The following RAB31 variants were observed in gnomAD, a reference collection of about 807,000 sequenced individuals.
RAB31 encodes the protein RAB31, member RAS oncogene family.
In RAB31, 21 loss-of-function variants were observed where a neutral mutation model predicts 25.6. The ratio of observed to expected loss-of-function variants is 0.82; its 90% CI spans 0.58 to 1.18. The LOEUF is 1.18. Ranked by LOEUF, RAB31 falls within the 50% of genes most tolerant of loss-of-function variation. RAB31 has a pLI of 0.00. For synonymous variants in RAB31, 87 were observed against 84.0 expected, an observed-to-expected ratio of 1.04 and a Z score of -0.20; for missense variants, 196 against 250.1, an observed-to-expected ratio of 0.78 and a Z score of 1.46.
intron 1 of RAB31, among the ~76,000 whole-genome samples, chr18:9,733,649 C>T (rs1205383501): frequency 6.6e-6 from 1 of 152,180 alleles, no homozygotes; most frequent in Non-Finnish European, 1.5e-5. Flanking sequence ...ATTCGGTCCA[C>T]AGGTGGGTGT....
At chr18:9,754,322 C>T (rs1362577879) in intron 1 of RAB31, among the ~76,000 whole-genome samples, 2 of 152,120 alleles carry the variant, frequency 1.3e-5, no homozygotes, top group African/African-American at 4.8e-5. Context: ...CTCTGTCACC[C>T]AGGCTGGAAT....
chr18:9,824,415 TG>T (rs757977936), intron 5 of RAB31, among the ~76,000 whole-genome samples: 34 of 151,680 alleles, frequency 2.2e-4, no homozygotes, highest in Non-Finnish European at 4.6e-4. Flanking sequence ...TATATGAGTG[TG>T]TGTAGATGTG....
chr18:9,742,888 C>T (rs138765303), intron 1 of RAB31, among the ~76,000 whole-genome samples: 13 of 152,208 alleles, frequency 8.5e-5, no homozygotes, highest in Middle Eastern at 3.4e-3. Context: ...TTCTTCTTTT[C>T]CTTCTTCTTC....
At chr18:9,823,446 T>C (rs1326995443) in intron 5 of RAB31, among the ~76,000 whole-genome samples, 1 of 152,174 alleles carries the variant, frequency 6.6e-6, no homozygotes, top group Non-Finnish European at 1.5e-5. Flanking sequence ...TAAGATAGAA[T>C]GCATCAATGA....
chr18:9,729,438 A>G (rs1200101006), intron 1 of RAB31, among the ~76,000 whole-genome samples: 1 of 152,034 alleles, frequency 6.6e-6, no homozygotes, highest in East Asian at 1.9e-4. Flanking sequence ...GAGGCAGGAG[A>G]ATGGCGTAAA....
intron 6 of RAB31, among the ~76,000 whole-genome samples, chr18:9,849,910 A>G (rs928316158): frequency 6.6e-6 from 1 of 152,182 alleles, no homozygotes; most frequent in African/African-American, 2.4e-5. Context: ...ACTCTGAAAC[A>G]ATTGGAAGCC....
rs370679073 is a variant in RAB31, at chr18:9,840,586, T to C, written c.381-4996T>C. Reference sequence around the variant, plus strand: ...ACCTTCGCAAAACTCTCCTCACAGATTGTAGTCACACCATTTGTTCCGACA... The same window carrying C: ...ACCTTCGCAAAACTCTCCTCACAGACTGTAGTCACACCATTTGTTCCGACA... On this transcript the variant is annotated intron_variant, in intron 5 of 6. Coordinates refer to ENST00000578921, the MANE Select transcript of RAB31 (RefSeq NM_006868.4). Among the ~76,000 whole-genome samples the C allele has an allele frequency of 2.7e-4, 41 of 152,214 alleles. 1 individual carries two copies. The highest frequency in any genetic ancestry group is 1.5e-5 in the Non-Finnish European group (1 of 68,032).
intron 1 of RAB31, chr18:9,757,971 A>G (rs2068268259): frequency 6.6e-6 from 1 of 152,204 alleles, no homozygotes; most frequent in Non-Finnish European, 1.5e-5. Context: ...AGGTCAAAAC[A>G]ACCTTGATGT....
chr18:9,757,312 G>A (rs1289099384), intron 1 of RAB31, among the ~76,000 whole-genome samples: 1 of 152,192 alleles, frequency 6.6e-6, no homozygotes, highest in Non-Finnish European at 1.5e-5. Flanking sequence ...GGCCTGCAGT[G>A]GGGACATGGA....
intron 1 of RAB31, among the ~76,000 whole-genome samples, chr18:9,728,698 T>C (rs919404811): frequency 3.3e-5 from 5 of 151,978 alleles, no homozygotes; most frequent in Non-Finnish European, 7.4e-5. Flanking sequence ...CCACCACACC[T>C]GGCTAATTTT....
At chr18:9,714,471 A>G (rs1599008273) in intron 1 of RAB31, among the ~76,000 whole-genome samples, 2 of 152,210 alleles carry the variant, frequency 1.3e-5, no homozygotes, top group African/African-American at 4.8e-5. Context: ...CTGCTGTGCA[A>G]CCTGGTTCCT....
At chr18:9,709,248 C>T (rs1265912028) in intron 1 of RAB31, among the ~76,000 whole-genome samples, 1 of 152,166 alleles carries the variant, frequency 6.6e-6, no homozygotes, top group South Asian at 2.1e-4. Flanking sequence ...ACGCAGGGAG[C>T]CGCTGGCGAA....
At chr18:9,799,544 T>G (rs1326304914) in intron 3 of RAB31, among the ~76,000 whole-genome samples, 1 of 152,210 alleles carries the variant, frequency 6.6e-6, no homozygotes, top group African/African-American at 2.4e-5. Flanking sequence ...TCACCCAGGC[T>G]GGAGTGCCAT....
chr18:9,717,387 C>T (rs537076301), intron 1 of RAB31, among the ~76,000 whole-genome samples: 95 of 152,246 alleles, frequency 6.2e-4, no homozygotes, highest in Non-Finnish European at 1.3e-3. Flanking sequence ...TTCAGTTCCC[C>T]CAGAGGTGCC....
intron 6 of RAB31, among the ~76,000 whole-genome samples, chr18:9,854,653 G>T (rs1015948137): frequency 6.6e-6 from 1 of 152,072 alleles, no homozygotes; most frequent in African/African-American, 2.4e-5. Context: ...GGGCCTTCTA[G>T]TAATCCTAAT....
chr18:9,739,061 G>C (rs902464617), intron 1 of RAB31, among the ~76,000 whole-genome samples: 2 of 152,216 alleles, frequency 1.3e-5, no homozygotes, highest in African/African-American at 4.8e-5. Flanking sequence ...TACTCAGGTG[G>C]CATGTTCCAA....
chr18:9,720,366 A>G (rs773324007), intron 1 of RAB31, among the ~76,000 whole-genome samples: 1 of 152,228 alleles, frequency 6.6e-6, no homozygotes, highest in South Asian at 2.1e-4. Flanking sequence ...TAGGGCGTAC[A>G]TGGGAAAAGT....
chr18:9,840,380 A>G (rs2068727129), intron 5 of RAB31, among the ~76,000 whole-genome samples: 1 of 151,918 alleles, frequency 6.6e-6, no homozygotes, highest in Non-Finnish European at 1.5e-5. Context: ...ACACTTGTTG[A>G]AAAAAAATAA....
intron 6 of RAB31, among the ~76,000 whole-genome samples, chr18:9,849,911 A>G (rs145575876): frequency 5.4e-4 from 83 of 152,308 alleles, no homozygotes; most frequent in African/African-American, 1.7e-3. Flanking sequence ...CTCTGAAACA[A>G]TTGGAAGCCC....
Sources: allele counts gnomAD v4.1 joint callset (sites outside exome capture counted in the v4.1 genomes callset), GRCh38; gene constraint gnomAD v4.1.1; transcripts MANE v1.5; gene names NCBI Gene and HGNC (gene_info 2026-07-23, HGNC 2026-07-21).